The following USP12 variants were observed in gnomAD, a reference collection of about 807,000 sequenced individuals.
The protein encoded by USP12 is ubiquitin carboxyl-terminal hydrolase 12.
Under a neutral mutation model 45.5 loss-of-function variants are expected in USP12, and 19 were observed. That is an observed-to-expected ratio of 0.42 (90% CI 0.29 to 0.61). The LOEUF (loss-of-function observed/expected upper bound fraction) is 0.61. USP12 is among the 20% of genes least tolerant of loss of function. USP12 has a pLI of 0.22. For synonymous variants in USP12, 149 were observed against 148.8 expected (o/e 1.00, Z -0.01); for missense variants, 242 against 447.7 (o/e 0.54, Z 4.15).
chr13:27,145,257 C>T (rs1265548591), intron 1 of USP12, among the ~76,000 whole-genome samples: 2 of 152,200 alleles, frequency 1.3e-5, no homozygotes, highest in African/African-American at 4.8e-5. Context: ...TTCTGGACCA[C>T]GTTTTTCTCC....
intron 4 of USP12, 25 bp from the exon 5 acceptor site, chr13:27,090,183 G>T: frequency 6.4e-7 from 1 of 1,551,766 alleles, no homozygotes; most frequent in South Asian, 1.2e-5. Context: ...AATTGTCTTT[G>T]ATTTTTTCAA....
intron 6 of USP12, among the ~76,000 whole-genome samples, chr13:27,082,794 G>A (rs868557111): frequency 6.6e-6 from 1 of 152,142 alleles, no homozygotes; most frequent in Non-Finnish European, 1.5e-5. Flanking sequence ...GGGGGAAAAC[G>A]TCAGGTGGGT....
chr13:27,084,035 T>C (rs1382489540), intron 6 of USP12, among the ~76,000 whole-genome samples: 1 of 151,834 alleles, frequency 6.6e-6, no homozygotes, highest in African/African-American at 2.4e-5. Flanking sequence ...TGGCTAAATT[T>C]TGTATTTTTA....
At chr13:27,165,499 T>C (rs968233886) in intron 1 of USP12, among the ~76,000 whole-genome samples, 3 of 152,118 alleles carry the variant, frequency 2.0e-5, no homozygotes, top group African/African-American at 4.8e-5. Context: ...CAAATCATGT[T>C]AAAGGGCAGT....
rs544097629 is a variant in USP12 at position 27,086,780 on chromosome 13, T to G, written c.734+3103A>C. ...CTGACTCTTACTTATCCAACGGTCT[T>G]AGGTACTTTCTAAGGCATTTTCAGG... On this transcript the variant is annotated intron_variant, in intron 6 of 8. Coordinates refer to ENST00000282344, the MANE Select transcript of USP12 (RefSeq NM_182488.4). 3.9e-5 allele frequency among the ~76,000 whole-genome samples: 6 copies of G among 152,326 alleles called. No homozygotes were observed. The South Asian group carries it at 1.2e-3, about 32-fold the overall frequency.
intron 3 of USP12, among the ~76,000 whole-genome samples, chr13:27,098,909 A>T (rs1353838372): frequency 6.6e-6 from 1 of 152,198 alleles, no homozygotes; most frequent in Non-Finnish European, 1.5e-5. Flanking sequence ...TGAAACAAGG[A>T]TGCTGAACAC....
intron 1 of USP12, among the ~76,000 whole-genome samples, chr13:27,119,538 A>C (rs1036290754): frequency 1.3e-5 from 2 of 152,236 alleles, no homozygotes; most frequent in African/African-American, 4.8e-5. Context: ...TTGGGTTTTC[A>C]AGTAAGGCTT....
At chr13:27,075,088 A>C in intron 7 of USP12, 103 bp downstream of exon 7, 1 of 1,080,924 alleles carries the variant, frequency 9.3e-7, no homozygotes, top group Non-Finnish European at 1.3e-6. Context: ...GAGAATACAG[A>C]ATTTCTAAAA....
intron 1 of USP12, among the ~76,000 whole-genome samples, chr13:27,156,107 A>G (rs551621802): frequency 5.0e-4 from 76 of 152,294 alleles, no homozygotes; most frequent in Middle Eastern, 3.4e-3. Context: ...CAGAAGAGTC[A>G]TTCTGACAAT....
At chr13:27,077,849 A>T (rs2137757084) in intron 6 of USP12, 1 of 152,264 alleles carries the variant, frequency 6.6e-6, no homozygotes, top group East Asian at 1.9e-4. Context: ...CTTTCCTTCC[A>T]TTCAAACTTG....
At chr13:27,069,518 G>A (rs1217747903) in intron 8 of USP12, 134 bp from the exon 9 acceptor site, 2 of 672,256 alleles carry the variant, frequency 3.0e-6, no homozygotes, top group Non-Finnish European at 5.2e-6. Flanking sequence ...ACAGCTGGCA[G>A]GGCACACCAA....
At chr13:27,094,401 T>G (rs1029579060) in intron 4 of USP12, among the ~76,000 whole-genome samples, 44 of 152,144 alleles carry the variant, frequency 2.9e-4, no homozygotes, top group African/African-American at 1.0e-3. Flanking sequence ...CTCAGAAGGC[T>G]GAGGCAGGAG....
rs900220295 is a variant in USP12 at position 27,077,486 on chromosome 13, A to G, written c.735-2098T>C. 42 of 152,216 alleles carry G rather than the reference A, an allele frequency of 2.8e-4. 1 individual carries two copies. Among genetic ancestry groups the G allele is most frequent in the Admixed American group, 2.7e-3 (42 of 15,282 alleles). The allele number at this position is 152,216 out of a possible 1,614,324, so 9.4% of individuals were successfully genotyped here. A position where few individuals can be genotyped will look rare whatever the true frequency, so the allele number is the denominator to read the frequency against. On this transcript the variant is annotated intron_variant, in intron 6 of 8. Transcript: ENST00000282344. Reference sequence around the variant, plus strand: ...AATGCAGAAAAGAGAAAATATCTCAATAATAGCAGATACAATATGTTTAAT... The same window carrying G: ...AATGCAGAAAAGAGAAAATATCTCAGTAATAGCAGATACAATATGTTTAAT...
intron 7 of USP12, among the ~76,000 whole-genome samples, 178 bp from the exon 8 acceptor site, chr13:27,071,327 G>A (rs994660173): frequency 6.6e-6 from 1 of 151,810 alleles, no homozygotes; most frequent in Non-Finnish European, 1.5e-5. Context: ...GAGTTGAACT[G>A]GTCATCAATT....
Position 27,104,428 on chromosome 13 carries a change from T to C in USP12, c.343+1303A>G, listed in dbSNP as rs1166758067. Among the ~76,000 whole-genome samples, 9 of 152,242 alleles carry C rather than the reference T, an allele frequency of 5.9e-5. No individual in the cohort carries two copies. In the East Asian group the frequency reaches 1.5e-3, roughly 26 times the overall value. The stretch of plus-strand genomic sequence containing the variant: ...TTCCACAAGGACAAAACTTTTAAAG[T>C]TTTGTACAGACACACACAAAAAGAC... On this transcript the variant is annotated intron_variant, in intron 3 of 8. Transcript: ENST00000282344.
At chr13:27,075,757 C>T (rs945266218) in intron 6 of USP12, among the ~76,000 whole-genome samples, 1 of 152,098 alleles carries the variant, frequency 6.6e-6, no homozygotes, top group African/African-American at 2.4e-5. Flanking sequence ...AGGCCAGGCG[C>T]GGTGGCTCAC....
At chr13:27,155,066 CTTTTTTTTTTTTTTTTT>C (rs71083634) in intron 1 of USP12, among the ~76,000 whole-genome samples, 4 of 57,656 alleles carry the variant, frequency 6.9e-5, no homozygotes, top group African/African-American at 2.5e-4. Flanking sequence ...ATGTCCACAA[CTTTTTTTTTTTTTTTTT>C]TTTTTTTTTT....
chr13:27,069,371 T>G lies in USP12; in HGVS notation c.1025A>C (p.Gln342Pro). 1 of 1,613,216 alleles carries G rather than the reference T, an allele frequency of 6.2e-7. No individual in the cohort carries two copies. The highest frequency in any genetic ancestry group is 8.5e-7 in the Non-Finnish European group (1 of 1,179,472). Residue 342 changes from glutamine to proline, a missense_variant, in exon 9 of 9, where the codon CAA (glutamine) becomes CCA (proline). Physicochemically the swap from Gln to Pro is moderately conservative, Grantham distance 76. Coordinates refer to ENST00000282344, the MANE Select transcript of USP12 (RefSeq NM_182488.4). The stretch of plus-strand genomic sequence containing the variant: ...CAACCCGTAGAATTCTTCAATAGCT[T>G]GTGCATCTATTTTCTGTGAGGTAAA... ...DDDIVEKIDA[Q>P]AIEEFYGLTS...
chr13:27,066,857 TCTTA>T lies in USP12; in HGVS notation c.*2422_*2425del, dbSNP rs1274967186. ...CGATGCTTTCTTCATGGGTCACTTT[TCTTA>T]CTTACTATACCTGTATTTTTCCCCC... On this transcript the variant is annotated 3_prime_UTR_variant, in exon 9 of 9. Transcript: ENST00000282344. 3 of 152,216 alleles carry T rather than the reference TCTTA, an allele frequency of 2.0e-5. No homozygotes were observed. Among genetic ancestry groups the T allele is most frequent in the African/African-American group, 7.2e-5 (3 of 41,460 alleles). 9.4% of individuals were successfully genotyped at this position (152,216 alleles called of 1,614,324 possible).
Sources: allele counts gnomAD v4.1 joint callset (sites outside exome capture counted in the v4.1 genomes callset), GRCh38; gene constraint gnomAD v4.1.1; transcripts MANE v1.5; gene names NCBI Gene and HGNC (gene_info 2026-07-23, HGNC 2026-07-21).